SH3KBP1: variants seen among roughly 807,000 people sequenced by gnomAD.
SH3KBP1 encodes SH3 domain containing kinase binding protein 1.
Under a neutral mutation model 50.1 loss-of-function variants are expected in SH3KBP1, and 8 were observed. That is an observed-to-expected ratio of 0.16 (90% CI 0.09 to 0.29). SH3KBP1 has a LOEUF of 0.29. SH3KBP1 is among the 10% of genes least tolerant of loss of function. The probability of loss-of-function intolerance (pLI) is 1.00; values close to 1 mark genes in which losing one functional copy is unlikely to be tolerated. For missense variants in SH3KBP1, 377 were observed against 535.2 expected, an observed-to-expected ratio of 0.70 and a Z score of 2.92; for synonymous variants, 227 against 218.6, an observed-to-expected ratio of 1.04 and a Z score of -0.34.
chrX:19,687,641 T>C (rs1475491723), intron 5 of SH3KBP1: 1 of 1,208,809 alleles, frequency 8.3e-7, no homozygotes, highest in Non-Finnish European at 1.1e-6. Context: ...TGGCCCTCCG[T>C]CTTTCCCGGT....
At chrX:19,786,321 A>G (rs1420983560) in intron 2 of SH3KBP1, among the ~76,000 whole-genome samples, 1 of 111,401 alleles carries the variant, frequency 9.0e-6, no homozygotes, top group African/African-American at 3.3e-5. Context: ...GAGAGAACAA[A>G]CAAAGCAGCA....
intron 5 of SH3KBP1, chrX:19,687,760 G>C: frequency 1.3e-6 from 1 of 793,890 alleles, no homozygotes; most frequent in Non-Finnish European, 1.9e-6. Context: ...GCAAATGATG[G>C]CAAAAGAAGG....
intron 7 of SH3KBP1, among the ~76,000 whole-genome samples, chrX:19,644,830 CATG>C (rs767510971): frequency 5.4e-5 from 6 of 111,650 alleles, no homozygotes; most frequent in South Asian, 7.4e-4. Context: ...GTGGCTCACA[CATG>C]ATATTTCTAT....
At chrX:19,776,532 G>GTTTTTGTTTTTTTT (rs1175802634) in intron 2 of SH3KBP1, among the ~76,000 whole-genome samples, 3 of 25,681 alleles carry the variant, frequency 1.2e-4, no homozygotes, top group African/African-American at 1.7e-4. Flanking sequence ...TGACAACCTG[G>GTTTTTGTTTTTTTT]TTTTTTTTTT....
chrX:19,609,782 G>A (rs1355888210), intron 8 of SH3KBP1, among the ~76,000 whole-genome samples: 1 of 112,071 alleles, frequency 8.9e-6, no homozygotes, highest in Non-Finnish European at 1.9e-5. Context: ...CCCCAGCCAT[G>A]TACACAATGC....
chrX:19,656,856 T>C (rs776680182), intron 6 of SH3KBP1, among the ~76,000 whole-genome samples: 3 of 111,965 alleles, frequency 2.7e-5, no homozygotes, highest in African/African-American at 9.7e-5. Context: ...TGTGAGAAAC[T>C]CCTGACACAT....
chrX:19,836,055 A>G, intron 2 of SH3KBP1, 70 bp downstream of exon 2: 1 of 1,018,960 alleles, frequency 9.8e-7, no homozygotes, highest in African/African-American at 1.9e-5. Flanking sequence ...TTCATCCTCA[A>G]GCGCCCCCAT....
chrX:19,621,325 G>A (rs1281455635), intron 8 of SH3KBP1, among the ~76,000 whole-genome samples: 2 of 104,070 alleles, frequency 1.9e-5, no homozygotes, highest in Middle Eastern at 4.5e-3. Context: ...TCCTGACCTC[G>A]TGATCCGCCC....
At chrX:19,585,466 TG>T (rs1170384426) in intron 12 of SH3KBP1, among the ~76,000 whole-genome samples, 1 of 111,633 alleles carries the variant, frequency 9.0e-6, no homozygotes, top group African/African-American at 3.3e-5. Flanking sequence ...TAGCACAGCA[TG>T]GGGCCCAGCA....
chrX:19,878,584 A>C (rs1003181123), intron 1 of SH3KBP1, among the ~76,000 whole-genome samples: 8 of 108,860 alleles, frequency 7.3e-5, no homozygotes, highest in Non-Finnish European at 1.5e-4. Flanking sequence ...CACACACACA[A>C]AAAGCCACGC....
intron 13 of SH3KBP1, among the ~76,000 whole-genome samples, chrX:19,568,887 C>G (rs1264201265): frequency 2.7e-5 from 3 of 112,556 alleles, no homozygotes; most frequent in Non-Finnish European, 5.6e-5. Flanking sequence ...AGGAATTTCT[C>G]CTAGGGAGGG....
chrX:19,779,674 A>G (rs1368524722), intron 2 of SH3KBP1, among the ~76,000 whole-genome samples: 13 of 102,506 alleles, frequency 1.3e-4, no homozygotes, highest in East Asian at 3.2e-4. Context: ...GAGAATATGC[A>G]GTGTTTGGTT....
At chrX:19,539,738 G>T (rs1478614178) in intron 16 of SH3KBP1, among the ~76,000 whole-genome samples, 7 of 111,723 alleles carry the variant, frequency 6.3e-5, no homozygotes, top group Admixed American at 1.9e-4. Context: ...TGAGTTGAAG[G>T]CTAACAGGAA....
intron 12 of SH3KBP1, among the ~76,000 whole-genome samples, chrX:19,577,100 A>G (rs2147891058): frequency 8.9e-6 from 1 of 112,356 alleles, no homozygotes; most frequent in Non-Finnish European, 1.9e-5. Flanking sequence ...TTGAACTCTA[A>G]AACATATCTT....
chrX:19,620,300 G>A (rs2067768053), intron 8 of SH3KBP1, among the ~76,000 whole-genome samples: 1 of 112,133 alleles, frequency 8.9e-6, no homozygotes, highest in Non-Finnish European at 1.9e-5. Context: ...AACAGGAGGT[G>A]AAGGGCATAG....
At chrX:19,669,025 C>T (rs2062712092) in intron 6 of SH3KBP1, among the ~76,000 whole-genome samples, 1 of 91,821 alleles carries the variant, frequency 1.1e-5, no homozygotes, top group Non-Finnish European at 2.2e-5. Flanking sequence ...TGCAGTGACA[C>T]GATCTCAGCT....
At position 19,687,639 on chromosome X, in the gene SH3KBP1, C is replaced by T. The variant is rs759096584; in HGVS notation, c.521-3611G>A. The T allele has an allele frequency of 8.7e-5, 105 of 1,206,243 alleles. 1 individual carries two copies. In the South Asian group the frequency reaches 1.7e-3, roughly 20 times the overall value. On this transcript the variant is annotated intron_variant, in intron 5 of 17. Coordinates refer to ENST00000397821, the MANE Select transcript of SH3KBP1 (RefSeq NM_031892.3). ...CACTGTAATAGCGTCTGTGGCCCTC[C>T]GTCTTTCCCGGTGCAGCTCGGTACA...
chrX:19,583,119 A>C (rs2066426141), intron 12 of SH3KBP1, among the ~76,000 whole-genome samples: 1 of 80,370 alleles, frequency 1.2e-5, no homozygotes. Flanking sequence ...TTCAATTGCT[A>C]ATACACATTA....
chrX:19,665,732 T>C (rs1463951558), intron 6 of SH3KBP1, among the ~76,000 whole-genome samples: 1 of 111,824 alleles, frequency 8.9e-6, no homozygotes, highest in African/African-American at 3.2e-5. Context: ...ATCTCTGTGA[T>C]CTAAATGCTT....
Sources: allele counts gnomAD v4.1 joint callset (sites outside exome capture counted in the v4.1 genomes callset), GRCh38; gene constraint gnomAD v4.1.1; transcripts MANE v1.5; gene names NCBI Gene and HGNC (gene_info 2026-07-23, HGNC 2026-07-21).